The following BTN3A1 variants were observed in gnomAD, a reference collection of about 807,000 sequenced individuals.
BTN3A1 encodes dJ45P21.3 (butyrophilin, subfamily 3, member A1).
In BTN3A1, 24 loss-of-function variants were observed where a neutral mutation model predicts 43.0. That is an observed-to-expected ratio of 0.56 (90% CI 0.40 to 0.78). BTN3A1 has a LOEUF of 0.78. Among genes scored for constraint, BTN3A1 ranks in the 30% least tolerant of loss-of-function variants. BTN3A1 has a pLI of 0.00. For missense variants in BTN3A1, 533 were observed against 626.2 expected, an observed-to-expected ratio of 0.85 and a Z score of 1.59; for synonymous variants, 181 against 234.7, an observed-to-expected ratio of 0.77 and a Z score of 2.09.
rs1762002212 is a variant in BTN3A1 at position 26,405,906 on chromosome 6, C to T, written c.86-3C>T. 1 of 1,613,770 alleles carries T rather than the reference C, an allele frequency of 6.2e-7. No homozygotes were observed. Among genetic ancestry groups the T allele is most frequent in the Non-Finnish European group, 8.5e-7 (1 of 1,179,702 alleles). ...TGACAGATCCTCCCCCTTGTGCCTA[C>T]AGCTCAGTTTTCTGTGCTTGGACCC... On this transcript the variant is annotated splice_region_variant and splice_polypyrimidine_tract_variant and intron_variant, in intron 2 of 9. Transcript: ENST00000289361.
At position 26,406,244 on chromosome 6, in the gene BTN3A1, C is replaced by A. The variant is rs1340410893; in HGVS notation, c.421C>A (p.Leu141Met). ...CTTCTATGAAAAAGCCCTGGTGGAGCTGAAGGTTGCAGGTGAGCCTCCAGG... is the reference window on the plus strand; with the variant it reads ...CTTCTATGAAAAAGCCCTGGTGGAGATGAAGGTTGCAGGTGAGCCTCCAGG... ...GDFYEKALVE[L>M]KVAALGSDLH... The change falls in exon 3 of 10, where the codon CTG becomes ATG. Residue 141 changes from leucine (L) to methionine (M), a missense_variant. Coordinates refer to ENST00000289361, the MANE Select transcript of BTN3A1 (RefSeq NM_007048.6). The A allele has an allele frequency of 8.1e-7, 1 of 1,238,842 alleles. No individual in the cohort carries two copies. The highest frequency in any genetic ancestry group is 1.1e-6 in the Non-Finnish European group (1 of 888,346). The allele number at this position is 1,238,842 out of a possible 1,614,324, so 76.7% of individuals were successfully genotyped here. A position where few individuals can be genotyped will look rare whatever the true frequency, so the allele number is the denominator to read the frequency against.
rs747398911 is a variant in BTN3A1 at position 26,411,113 on chromosome 6, A to G, written c.969A>G (p.Gly323=). The change falls in exon 8 of 10, where the codon GGA becomes GGG. Residue 323 remains glycine (G), a synonymous_variant. Transcript: ENST00000289361. ...TCTATCTTTTTTTCATTGTAGGGGGAGAGAGACATTCAGCCTATAATGGTG... is the reference window on the plus strand; with the variant it reads ...TCTATCTTTTTTTCATTGTAGGGGGGGAGAGACATTCAGCCTATAATGGTG... ...RWRSIQYASR[G]ERHSAYNEWK... 22 of 1,601,202 alleles carry G rather than the reference A, an allele frequency of 1.4e-5. No individual in the cohort carries two copies. In the East Asian group the frequency reaches 2.5e-4, roughly 18 times the overall value.
chr6:26,404,867 C>T (rs1761961030), intron 1 of BTN3A1, among the ~76,000 whole-genome samples: 1 of 152,322 alleles, frequency 6.6e-6, no homozygotes. Context: ...ATCTTAGAGC[C>T]TTTACTTATT....
chr6:26,409,650 A>G lies in BTN3A1; in HGVS notation c.833A>G (p.Lys278Arg). The G allele has an allele frequency of 6.2e-7, 1 of 1,604,062 alleles. No homozygotes were observed. The highest frequency in any genetic ancestry group is 1.4e-5 in the African/African-American group (1 of 73,896). Residue 278 changes from lysine to arginine, a missense_variant, in exon 5 of 10, where the codon AAG becomes AGG. Transcript: ENST00000289361. ...YFLWQQQEEK[K>R]TQFRKKKREQ... ...CTGTGGCAACAGCAGGAGGAAAAAA[A>G]GACTCAGTTCAGAAAGAAAAAGAGA...
Position 26,409,932 on chromosome 6 carries a change from CAG to C in BTN3A1, c.937+22_937+23del, listed in dbSNP as rs750958693. 2 of 1,614,168 alleles carry C rather than the reference CAG, an allele frequency of 1.2e-6. No homozygotes were observed. Among genetic ancestry groups the C allele is most frequent in the Non-Finnish European group, 1.7e-6 (2 of 1,180,020 alleles). On this transcript the variant is annotated intron_variant, in intron 6 of 9. Coordinates refer to ENST00000289361, the MANE Select transcript of BTN3A1 (RefSeq NM_007048.6). ...GGAACTCAGTAAGTTCCCATTCCCC[CAG>C]AGACCCAGGCATGTCTTCCTGTCCC...
At chr6:26,411,742 A>G (rs1282223737) in intron 9 of BTN3A1, 161 bp downstream of exon 9, 3 of 861,426 alleles carry the variant, frequency 3.5e-6, no homozygotes, top group South Asian at 3.6e-5. Flanking sequence ...AAGTGGGCCC[A>G]TCTCCAAGAC....
chr6:26,408,757 A>G (rs897273210), intron 4 of BTN3A1, among the ~76,000 whole-genome samples: 5 of 152,230 alleles, frequency 3.3e-5, no homozygotes, highest in African/African-American at 9.6e-5. Context: ...CTTTCATGCA[A>G]TGGATACCAC....
chr6:26,411,767 G>T (rs1425952711), intron 9 of BTN3A1, 186 bp downstream of exon 9: 22 of 682,710 alleles, frequency 3.2e-5, no homozygotes, highest in Non-Finnish European at 5.1e-5. Context: ...TCTGCTGAGA[G>T]CCCAGGGAAC....
At chr6:26,405,193 G>A (rs541453063) in intron 1 of BTN3A1, among the ~76,000 whole-genome samples, 179 bp from the exon 2 acceptor site, 13 of 152,320 alleles carry the variant, frequency 8.5e-5, no homozygotes, top group Admixed American at 3.9e-4. Flanking sequence ...GGTCGACCCC[G>A]GTGGAACCAG....
intron 9 of BTN3A1, chr6:26,411,869 G>T: frequency 2.6e-6 from 1 of 380,212 alleles, no homozygotes; most frequent in Non-Finnish European, 4.7e-6. Flanking sequence ...CACACACTGA[G>T]TAATACTGCA....
At position 26,407,651 on chromosome 6, in the gene BTN3A1, G is replaced by T. The variant is rs752921283; in HGVS notation, c.434-20G>T. On this transcript the variant is annotated intron_variant, in intron 3 of 9. Coordinates refer to ENST00000289361, the MANE Select transcript of BTN3A1 (RefSeq NM_007048.6). ...TGATACAGGCCTCTCAAGAATTTAG[G>T]CTAATTCATCCTTCCACAGCACTGG... 40 of 1,611,048 alleles carry T rather than the reference G, an allele frequency of 2.5e-5. No homozygotes were observed. Among genetic ancestry groups the T allele is most frequent in the East Asian group, 4.5e-5 (2 of 44,842 alleles).
intron 1 of BTN3A1, among the ~76,000 whole-genome samples, chr6:26,402,615 T>A (rs540837027): frequency 6.6e-6 from 1 of 152,304 alleles, no homozygotes; most frequent in Non-Finnish European, 1.5e-5. Context: ...GAGTTTGGGA[T>A]TTGGTGAAGA....
At chr6:26,406,298 A>T in intron 3 of BTN3A1, 42 bp downstream of exon 3, 1 of 818,122 alleles carries the variant, frequency 1.2e-6, no homozygotes, top group Non-Finnish European at 1.9e-6. Context: ...TCTCTGTAGG[A>T]TCTAGAGCAG....
intron 9 of BTN3A1, 128 bp downstream of exon 9, chr6:26,411,709 G>A (rs542848241): frequency 1.3e-4 from 156 of 1,227,660 alleles, no homozygotes; most frequent in Non-Finnish European, 1.6e-4. Context: ...TTTGGGGTAG[G>A]CAACATTAAA....
Position 26,413,246 on chromosome 6 carries a change from A to G in BTN3A1, c.1096A>G (p.Lys366Glu), listed in dbSNP as rs756772508. 1.3e-5 allele frequency: 21 copies of G among 1,614,154 alleles called. No homozygotes were observed. The highest frequency in any genetic ancestry group is 1.6e-4 in the Middle Eastern group (1 of 6,062). Residue 366 changes from lysine (K) to glutamate (E), a missense_variant, in exon 10 of 10, where the codon AAG (lysine) becomes GAG (glutamate). Around this residue, in one of 4 missense-constraint regions of BTN3A1, gnomAD observed 415 missense variants for 427.0 expected, o/e 0.97. Coordinates refer to ENST00000289361, the MANE Select transcript of BTN3A1 (RefSeq NM_007048.6). ...SEDQRSVQRA[K>E]EPQDLPDNPE... Reference sequence around the variant, plus strand: ...GGACCAGAGGAGTGTGCAGCGTGCCAAGGAGCCCCAGGATCTGCCAGACAA... The same window carrying G: ...GGACCAGAGGAGTGTGCAGCGTGCCGAGGAGCCCCAGGATCTGCCAGACAA...
intron 1 of BTN3A1, among the ~76,000 whole-genome samples, chr6:26,405,036 G>C (rs10807008): frequency 0.12 from 18,675 of 152,222 alleles, 1,198 homozygotes; most frequent in South Asian, 0.17. Context: ...TGGATTAAAT[G>C]TGGTGGGTTC....
In BTN3A1 at chr6:26,405,828, C is replaced by G. The variant is rs368884992; in HGVS notation, c.86-81C>G. On this transcript the variant is annotated intron_variant, in intron 2 of 9. Transcript: ENST00000289361. ...CCCCACCAGTTTCTTTGTATCTCGC[C>G]TTCCCTGTCTGAGAAGCACCCTTCC... 51 of 1,610,208 alleles carry G rather than the reference C, an allele frequency of 3.2e-5. No individual in the cohort carries two copies. In the Middle Eastern group the frequency reaches 9.9e-4, roughly 31 times the overall value.
chr6:26,411,209 C>A (rs1762206635), intron 8 of BTN3A1, 74 bp downstream of exon 8: 3 of 1,521,900 alleles, frequency 2.0e-6, no homozygotes, highest in Non-Finnish European at 2.7e-6. Flanking sequence ...TCTGCTGTGA[C>A]CCATTGATGT....
chr6:26,412,017 T>A (rs1304164225), intron 9 of BTN3A1: 1 of 212,854 alleles, frequency 4.7e-6, no homozygotes. Context: ...GGCCTCCACA[T>A]ATTTAGGTGA....
Sources: gnomAD v4.1 joint callset for allele counts (sites outside exome capture counted in the v4.1 genomes callset) on GRCh38, gnomAD v4.1.1 for gene constraint, gnomAD v4.1.1 regional missense constraint, MANE v1.5 for transcripts, NCBI Gene and HGNC (gene_info 2026-07-23, HGNC 2026-07-21) for gene names.